DNAH8: variants seen among roughly 807,000 people sequenced by gnomAD.
The protein encoded by DNAH8 is axonemal beta dynein heavy chain 8.
DNAH8 carries 382 observed loss-of-function variants against 562.1 expected under a neutral mutation model. The observed-to-expected ratio is 0.68, with a 90% CI of 0.63 to 0.74. DNAH8 has a LOEUF of 0.74. Ranked by LOEUF, DNAH8 falls within the 30% of genes least tolerant of loss-of-function variation. The pLI is 0.00. For missense variants in DNAH8, 5,203 were observed against 5,620.4 expected (o/e 0.93, Z 2.37); for synonymous variants, 1,881 against 1,919.4 (o/e 0.98, Z 0.52).
intron 26 of DNAH8, among the ~76,000 whole-genome samples, chr6:38,815,909 A>G (rs1772218491): frequency 6.6e-6 from 1 of 152,146 alleles, no homozygotes; most frequent in African/African-American, 2.4e-5. Context: ...TACTTTCTGC[A>G]TGATAGTAGG....
chr6:38,807,775 T>C, intron 24 of DNAH8, 59 bp downstream of exon 24: 1 of 821,604 alleles, frequency 1.2e-6, no homozygotes, highest in Non-Finnish European at 1.8e-6. Flanking sequence ...GAATAGCACC[T>C]CTTATAAATT....
chr6:38,777,471 T>A (rs1387805018), intron 13 of DNAH8, among the ~76,000 whole-genome samples: 1 of 152,206 alleles, frequency 6.6e-6, no homozygotes, highest in Non-Finnish European at 1.5e-5. Context: ...GATTTATGGG[T>A]GTGGTATATA....
At position 38,952,365 on chromosome 6, in the gene DNAH8, A is replaced by C. The variant is rs577507345; in HGVS notation, c.12451+845A>C. Among the ~76,000 whole-genome samples the C allele has an allele frequency of 2.0e-5, 3 of 152,234 alleles. No individual in the cohort carries two copies. The South Asian group carries it at 6.2e-4, about 32-fold the overall frequency. ...AAGAAGGACTTTCTTGACAGGACTG[A>C]GCCATCCTGTAAGAAGGACTGTTTA... On this transcript the variant is annotated intron_variant, in intron 82 of 92. Transcript: ENST00000327475.
chr6:38,855,089 T>G (rs1399903897), intron 41 of DNAH8, among the ~76,000 whole-genome samples: 1 of 150,950 alleles, frequency 6.6e-6, no homozygotes, highest in Non-Finnish European at 1.5e-5. Flanking sequence ...ACACATATAT[T>G]AAATTTTTTA....
Position 38,826,127 on chromosome 6 carries a change from C to T in DNAH8, c.3848-29C>T, listed in dbSNP as rs542723668. 8 of 1,467,860 alleles carry T rather than the reference C, an allele frequency of 5.5e-6. No individual in the cohort carries two copies. In the South Asian group the frequency reaches 9.1e-5, roughly 17 times the overall value. 90.9% of individuals were successfully genotyped at this position (1,467,860 alleles called of 1,614,324 possible). The stretch of plus-strand genomic sequence containing the variant: ...ATAGTTTCAGAATGCCAGTTATATT[C>T]TAATTTAATTTCTTCTTGTCTTCAT... On this transcript the variant is annotated intron_variant, in intron 28 of 92. Transcript: ENST00000327475.
chr6:39,019,716 A>T (rs13201998), intron 91 of DNAH8, among the ~76,000 whole-genome samples: 18,101 of 152,278 alleles, frequency 0.12, 1,436 homozygotes, highest in Middle Eastern at 0.2. Context: ...GTCATAAAAA[A>T]TGATGAGGCC....
chr6:38,741,669 G>A, intron 7 of DNAH8, 42 bp from the exon 8 acceptor site: 1 of 1,497,956 alleles, frequency 6.7e-7, no homozygotes, highest in Non-Finnish European at 9.0e-7. Context: ...TAACAAAGAA[G>A]AATGTAACAT....
At chr6:39,029,097 T>G (rs1318216457) in intron 92 of DNAH8, among the ~76,000 whole-genome samples, 2 of 152,188 alleles carry the variant, frequency 1.3e-5, no homozygotes, top group Non-Finnish European at 2.9e-5. Context: ...TTTTAGTGAA[T>G]ATACTGCCTA....
At chr6:38,767,582 C>T (rs983105782) in intron 11 of DNAH8, among the ~76,000 whole-genome samples, 1 of 152,134 alleles carries the variant, frequency 6.6e-6, no homozygotes, top group African/African-American at 2.4e-5. Context: ...TGGTTTATTT[C>T]ACTTTGTGCA....
chr6:38,797,853 C>G (rs957613141), intron 21 of DNAH8, among the ~76,000 whole-genome samples: 3 of 152,190 alleles, frequency 2.0e-5, no homozygotes, highest in African/African-American at 7.2e-5. Context: ...TACTGTCACT[C>G]TGCTCAATCA....
intron 28 of DNAH8, 133 bp downstream of exon 28, chr6:38,823,821 G>T: frequency 2.1e-6 from 1 of 468,940 alleles, no homozygotes. Context: ...ATATACCAAG[G>T]TTATAATAAT....
At chr6:38,783,926 G>A (rs1162552906) in intron 17 of DNAH8, among the ~76,000 whole-genome samples, 2 of 152,178 alleles carry the variant, frequency 1.3e-5, no homozygotes, top group South Asian at 2.1e-4. Context: ...CATTGCAGGC[G>A]CAGGAAGCAC....
intron 1 of DNAH8, among the ~76,000 whole-genome samples, chr6:38,717,126 C>T (rs776424711): frequency 6.6e-6 from 1 of 152,088 alleles, no homozygotes; most frequent in East Asian, 1.9e-4. Context: ...GTAGGAGGAT[C>T]GCTTGAGCCC....
At chr6:38,822,761 A>T in intron 26 of DNAH8, 77 bp from the exon 27 acceptor site, 1 of 1,102,880 alleles carries the variant, frequency 9.1e-7, no homozygotes, top group Non-Finnish European at 1.2e-6. Context: ...TTTGAAAAAG[A>T]ATCACAAATA....
rs2150494841 is a variant in DNAH8 at position 38,894,713 on chromosome 6, C to T, written c.8596C>T (p.Pro2866Ser). 1 of 1,613,520 alleles carries T rather than the reference C, an allele frequency of 6.2e-7. No homozygotes were observed. Among genetic ancestry groups the T allele is most frequent in the South Asian group, 1.1e-5 (1 of 91,022 alleles). Residue 2866 changes from proline (P) to serine (S), a missense_variant, in exon 59 of 93, where the codon CCA (proline) becomes TCA (serine). This residue lies in a region of DNAH8 where 977 missense variants were observed against 1,061.8 expected (regional missense o/e 0.92). Transcript: ENST00000327475. ...LWQWTKVKML[P>S]TPSKFHYIFN... ...TTTTCATCTCTAGGTGAAGATGCTGCCAACTCCTTCTAAATTTCATTACAT... is the reference window on the plus strand; with the variant it reads ...TTTTCATCTCTAGGTGAAGATGCTGTCAACTCCTTCTAAATTTCATTACAT...
chr6:38,974,970 A>G (rs186427670), intron 85 of DNAH8, among the ~76,000 whole-genome samples: 6 of 152,298 alleles, frequency 3.9e-5, no homozygotes, highest in Admixed American at 2.0e-4. Context: ...CACCATCCCA[A>G]AGATGTTAAG....
intron 1 of DNAH8, among the ~76,000 whole-genome samples, chr6:38,722,154 T>C (rs1762804053): frequency 1.3e-5 from 2 of 152,346 alleles, no homozygotes; most frequent in South Asian, 2.1e-4. Flanking sequence ...TATAGTACCA[T>C]TGCCTCAATA....
In DNAH8 at chr6:38,845,051, G is replaced by A. The variant is rs184734326; in HGVS notation, c.4846-523G>A. On this transcript the variant is annotated intron_variant, in intron 35 of 92. Transcript: ENST00000327475. ...AAATATGTTACTTTTATTTTCTTTC[G>A]TGAGTCTTTCTTATTAAGTATTCTC... Among the ~76,000 whole-genome samples the A allele has an allele frequency of 7.9e-5, 12 of 150,970 alleles. No individual in the cohort carries two copies. In the East Asian group the frequency reaches 9.8e-4, roughly 12 times the overall value.
Position 38,805,466 on chromosome 6 carries a change from G to T in DNAH8, c.3035-15G>T. 1 of 1,521,752 alleles carries T rather than the reference G, an allele frequency of 6.6e-7. No homozygotes were observed. The highest frequency in any genetic ancestry group is 9.1e-7 in the Non-Finnish European group (1 of 1,097,204). The allele number at this position is 1,521,752 out of a possible 1,614,324, so 94.3% of individuals were successfully genotyped here. ...AAGTCAAATGTTATATTTTTGTTTT[G>T]TCTTTTGTCTATAGAACAGCGGAAA... On this transcript the variant is annotated splice_polypyrimidine_tract_variant and intron_variant, in intron 22 of 92. Transcript: ENST00000327475.
Sources: gnomAD v4.1 joint callset for allele counts (sites outside exome capture counted in the v4.1 genomes callset) on GRCh38, gnomAD v4.1.1 for gene constraint, gnomAD v4.1.1 regional missense constraint, MANE v1.5 for transcripts, NCBI Gene and HGNC (gene_info 2026-07-23, HGNC 2026-07-21) for gene names.